Variants in PRKCE observed in about 807,000 individuals in gnomAD.
PRKCE encodes protein kinase C epsilon, also known as protein kinase C epsilon type.
Under a neutral mutation model 85.4 loss-of-function variants are expected in PRKCE, and 16 were observed. That is an observed-to-expected ratio of 0.19 (90% CI 0.13 to 0.28). PRKCE has a LOEUF of 0.28. Ranked by LOEUF, PRKCE falls within the 10% of genes least tolerant of loss-of-function variation. PRKCE has a pLI of 1.00. For missense variants in PRKCE, 573 were observed against 975.2 expected, an observed-to-expected ratio of 0.59 and a Z score of 5.49; for synonymous variants, 388 against 371.5, an observed-to-expected ratio of 1.04 and a Z score of -0.51.
chr2:45,851,834 T>C (rs546129831), intron 2 of PRKCE: 2 of 152,342 alleles, frequency 1.3e-5, no homozygotes, highest in African/African-American at 4.8e-5. Flanking sequence ...TAGACACCTC[T>C]AATGTATAAA....
chr2:45,715,227 G>A (rs1461211555), intron 1 of PRKCE, among the ~76,000 whole-genome samples: 1 of 152,262 alleles, frequency 6.6e-6, no homozygotes, highest in African/African-American at 2.4e-5. Flanking sequence ...CCCACCACGA[G>A]ATGCTCCTGG....
At chr2:45,687,233 T>A (rs1281722123) in intron 1 of PRKCE, among the ~76,000 whole-genome samples, 2 of 151,836 alleles carry the variant, frequency 1.3e-5, no homozygotes, top group African/African-American at 4.8e-5. Context: ...ACGACTAATA[T>A]CCTTAATTTA....
At chr2:45,985,319 C>G (rs1266377474) in intron 6 of PRKCE, among the ~76,000 whole-genome samples, 1 of 152,144 alleles carries the variant, frequency 6.6e-6, no homozygotes. Context: ...ACAGCGCACT[C>G]AGATGATGAT....
intron 1 of PRKCE, among the ~76,000 whole-genome samples, chr2:45,742,054 T>C (rs1192591970): frequency 1.3e-5 from 2 of 152,088 alleles, no homozygotes; most frequent in Admixed American, 1.3e-4. Context: ...CTTGGGAATT[T>C]CTCGGATATC....
intron 2 of PRKCE, among the ~76,000 whole-genome samples, chr2:45,859,147 G>T (rs992335555): frequency 1.3e-5 from 2 of 151,914 alleles, no homozygotes; most frequent in African/African-American, 4.8e-5. Context: ...CATCCATATT[G>T]ATGTGTGTGT....
At chr2:45,759,501 C>T (rs1684268202) in intron 1 of PRKCE, among the ~76,000 whole-genome samples, 1 of 152,216 alleles carries the variant, frequency 6.6e-6, no homozygotes, top group African/African-American at 2.4e-5. Flanking sequence ...CCAAGCCTCT[C>T]TTTTCACACC....
At chr2:46,067,397 C>G (rs936146855) in intron 10 of PRKCE, among the ~76,000 whole-genome samples, 10 of 152,286 alleles carry the variant, frequency 6.6e-5, no homozygotes, top group Middle Eastern at 3.4e-3. Context: ...ATCTGAGAGG[C>G]AGTTTTGGCG....
chr2:46,017,637 A>G (rs7590002), intron 10 of PRKCE, among the ~76,000 whole-genome samples: 38,239 of 152,196 alleles, frequency 0.25, 5,403 homozygotes, highest in African/African-American at 0.37. Context: ...ACTGTTTTCC[A>G]TAATGACTGA....
intron 1 of PRKCE, among the ~76,000 whole-genome samples, chr2:45,838,860 T>G (rs1691114579): frequency 6.6e-6 from 1 of 152,166 alleles, no homozygotes; most frequent in African/African-American, 2.4e-5. Flanking sequence ...CCAACTTTGT[T>G]GAGGAAAGTT....
chr2:45,942,156 T>C lies in PRKCE; in HGVS notation c.413-34273T>C, dbSNP rs1342479421. Among the ~76,000 whole-genome samples the C allele has an allele frequency of 2.0e-5, 3 of 152,238 alleles. No individual in the cohort carries two copies. In the East Asian group the frequency reaches 5.8e-4, roughly 29 times the overall value. ...CAGGCTTTGAAACATTTACGTCTCA[T>C]GTTGATCTGAGGCAGTTGCTATAAG... On this transcript the variant is annotated intron_variant, in intron 2 of 14. Coordinates refer to ENST00000306156, the MANE Select transcript of PRKCE (RefSeq NM_005400.3).
chr2:46,007,328 T>G (rs897882132), intron 8 of PRKCE, 134 bp from the exon 9 acceptor site: 1 of 805,524 alleles, frequency 1.2e-6, no homozygotes, highest in African/African-American at 1.7e-5. Context: ...TACAAAGGGA[T>G]GTCACACTGG....
intron 12 of PRKCE, among the ~76,000 whole-genome samples, chr2:46,148,924 T>G (rs922098986): frequency 1.4e-4 from 21 of 152,328 alleles, no homozygotes; most frequent in South Asian, 2.1e-4. Context: ...CCCATAGCTT[T>G]GACCTTACAG....
chr2:45,743,225 T>C (rs780102682), intron 1 of PRKCE, among the ~76,000 whole-genome samples: 16 of 152,118 alleles, frequency 1.1e-4, no homozygotes, highest in Non-Finnish European at 1.3e-4. Context: ...AATAATGTGT[T>C]GTATTCTTGA....
rs546409395 is a variant in PRKCE at position 45,786,795 on chromosome 2, C to T, written c.349-56205C>T. 3.9e-5 allele frequency among the ~76,000 whole-genome samples: 6 copies of T among 152,344 alleles called. No individual in the cohort carries two copies. The highest frequency in any genetic ancestry group is 3.9e-4 in the Admixed American group (6 of 15,306). On this transcript the variant is annotated intron_variant, in intron 1 of 14. Coordinates refer to ENST00000306156, the MANE Select transcript of PRKCE (RefSeq NM_005400.3). The surrounding 1 kb of genome is among the most constrained non-coding windows in gnomAD (Gnocchi z 5.3). ...CAACAGTTCAGTGAGGTAACCACTA[C>T]CCTCACCCCCGTTTTACAGAGGTGG...
intron 1 of PRKCE, among the ~76,000 whole-genome samples, chr2:45,835,392 C>T (rs946163178): frequency 1.3e-5 from 2 of 152,174 alleles, no homozygotes; most frequent in Non-Finnish European, 2.9e-5. Flanking sequence ...AGAAAACTCC[C>T]GTCACCCAGG....
intron 13 of PRKCE, among the ~76,000 whole-genome samples, chr2:46,151,776 A>G (rs1194093882): frequency 2.0e-5 from 3 of 152,380 alleles, no homozygotes; most frequent in African/African-American, 7.2e-5. Context: ...ATTTAGATAC[A>G]TAATACAGAG....
chr2:45,978,730 G>T (rs1389249122), intron 3 of PRKCE: 14 of 492,134 alleles, frequency 2.8e-5, no homozygotes, highest in Non-Finnish European at 4.7e-5. Context: ...ATGGCTCTCT[G>T]TATAGGAAAT....
At chr2:45,771,620 C>G (rs978814944) in intron 1 of PRKCE, among the ~76,000 whole-genome samples, 1 of 152,142 alleles carries the variant, frequency 6.6e-6, no homozygotes, top group East Asian at 1.9e-4. Flanking sequence ...CTTCCTCCCC[C>G]TTTGTCTTTT....
intron 1 of PRKCE, among the ~76,000 whole-genome samples, chr2:45,792,939 C>T (rs1418219121): frequency 6.6e-6 from 1 of 152,166 alleles, no homozygotes; most frequent in African/African-American, 2.4e-5. Flanking sequence ...GCTGGGATTA[C>T]AGGCACCCGC....
Sources: gnomAD v4.1 joint callset for allele counts (sites outside exome capture counted in the v4.1 genomes callset) on GRCh38, gnomAD v4.1.1 for gene constraint, Gnocchi (gnomAD v3.1) non-coding constraint, MANE v1.5 for transcripts, NCBI Gene and HGNC (gene_info 2026-07-23, HGNC 2026-07-21) for gene names.